Variants in EIF3K observed in about 807,000 individuals in gnomAD.
EIF3K encodes eukaryotic translation initiation factor 3 subunit K, also known as eIF-3 p28.
A neutral mutation model predicts 34.2 loss-of-function variants in EIF3K; 27 were observed. The observed-to-expected ratio is 0.79, with a 90% CI of 0.58 to 1.09. The LOEUF (loss-of-function observed/expected upper bound fraction) is 1.09. EIF3K is among the 50% of genes least tolerant of loss of function. EIF3K has a pLI of 0.00. For synonymous variants in EIF3K, 105 were observed against 105.7 expected (o/e 0.99, Z 0.04); for missense variants, 232 against 275.4 (o/e 0.84, Z 1.11).
chr19:38,635,272 C>T, intron 7 of EIF3K, 154 bp downstream of exon 7: 1 of 1,117,720 alleles, frequency 8.9e-7, no homozygotes, highest in Non-Finnish European at 1.3e-6. Flanking sequence ...TGTCTTGGGG[C>T]TCCCGCCCAG....
chr19:38,624,728 ACT>A (rs1159292306), intron 3 of EIF3K, among the ~76,000 whole-genome samples: 3 of 151,342 alleles, frequency 2.0e-5, no homozygotes, highest in Admixed American at 2.0e-4. Context: ...ACACAGTGAG[ACT>A]CTGTCTCAAA....
intron 2 of EIF3K, 110 bp downstream of exon 2, chr19:38,620,545 T>G: frequency 5.1e-5 from 47 of 922,194 alleles, no homozygotes; most frequent in Middle Eastern, 2.8e-4. Context: ...GCAGCATCTC[T>G]TGGTGTGCAA....
chr19:38,636,102 C>T (rs1422087370), intron 7 of EIF3K, among the ~76,000 whole-genome samples: 2 of 152,208 alleles, frequency 1.3e-5, no homozygotes, highest in African/African-American at 4.8e-5. Flanking sequence ...TCGGGGTTCT[C>T]AGTGAGAACT....
In EIF3K at chr19:38,634,979, C is replaced by T; in HGVS notation, c.500-14C>T. The T allele has an allele frequency of 6.2e-7, 1 of 1,613,984 alleles. No individual in the cohort carries two copies. The highest frequency in any genetic ancestry group is 2.2e-5 in the East Asian group (1 of 44,890). ...AGGCTGACTGAAGCCCCTTGCTGCCCCTGTCACCTGCAGACAGCCAGCTAA... is the reference window on the plus strand; with the variant it reads ...AGGCTGACTGAAGCCCCTTGCTGCCTCTGTCACCTGCAGACAGCCAGCTAA... On this transcript the variant is annotated splice_polypyrimidine_tract_variant and intron_variant, in intron 6 of 7. Coordinates refer to ENST00000248342, the MANE Select transcript of EIF3K (RefSeq NM_013234.4).
intron 4 of EIF3K, among the ~76,000 whole-genome samples, chr19:38,630,059 G>C (rs1004204625): frequency 6.6e-6 from 1 of 152,040 alleles, no homozygotes; most frequent in Non-Finnish European, 1.5e-5. Flanking sequence ...TAGCTGCCCT[G>C]GTCTCCTCAT....
intron 4 of EIF3K, among the ~76,000 whole-genome samples, chr19:38,630,350 T>TA (rs201689288): frequency 0.013 from 1,849 of 142,864 alleles, 23 homozygotes; most frequent in African/African-American, 0.038. Flanking sequence ...TTTATTTATT[T>TA]TTTTTTTTTT....
intron 3 of EIF3K, among the ~76,000 whole-genome samples, chr19:38,625,274 G>A (rs949634768): frequency 6.6e-6 from 1 of 151,366 alleles, no homozygotes; most frequent in Admixed American, 6.6e-5. Context: ...AAGCTATTCT[G>A]TCTCAGCCTC....
intron 3 of EIF3K, 72 bp from the exon 4 acceptor site, chr19:38,625,956 G>T: frequency 7.3e-7 from 1 of 1,379,088 alleles, no homozygotes; most frequent in Non-Finnish European, 1.0e-6. Flanking sequence ...GAAGAAGGTA[G>T]GTGGGGAGGG....
intron 3 of EIF3K, among the ~76,000 whole-genome samples, chr19:38,624,872 A>C (rs1975916037): frequency 6.6e-6 from 1 of 152,236 alleles, no homozygotes; most frequent in Non-Finnish European, 1.5e-5. Context: ...AGAATTGGAA[A>C]TGACTGTTAC....
Position 38,632,653 on chromosome 19 carries a change from G to T in EIF3K, c.474G>T (p.Leu158=). 1 of 1,613,698 alleles carries T rather than the reference G, an allele frequency of 6.2e-7. No homozygotes were observed. The highest frequency in any genetic ancestry group is 8.5e-7 in the Non-Finnish European group (1 of 1,179,824). ...ITYQHIDRWL[L]AEMLGDLSDS... ...ACCAGCACATTGACCGCTGGCTGCTGGCCGAGATGCTCGGGGATCTGTCGG... is the reference window on the plus strand; with the variant it reads ...ACCAGCACATTGACCGCTGGCTGCTTGCCGAGATGCTCGGGGATCTGTCGG... The change falls in exon 6 of 8, where the codon CTG becomes CTT. Residue 158 remains leucine (L), a synonymous_variant. Coordinates refer to ENST00000248342, the MANE Select transcript of EIF3K (RefSeq NM_013234.4).
chr19:38,625,226 G>A (rs1454766493), intron 3 of EIF3K, among the ~76,000 whole-genome samples: 6 of 151,750 alleles, frequency 4.0e-5, no homozygotes, highest in South Asian at 4.2e-4. Context: ...GTGCAGTGGC[G>A]TGATCTCGGC....
intron 2 of EIF3K, among the ~76,000 whole-genome samples, chr19:38,623,170 T>C (rs986868197): frequency 6.6e-6 from 1 of 152,230 alleles, no homozygotes; most frequent in African/African-American, 2.4e-5. Flanking sequence ...TGTTTAGAGA[T>C]TGCAGTAAAG....
chr19:38,625,967 G>C lies in EIF3K; in HGVS notation c.280-61G>C, dbSNP rs1975940589. ...GCCAGAAGAAGGTAGGTGGGGAGGG[G>C]TGATCTGGGGTCCAACCTTACGCTC... is the stretch of plus-strand genomic sequence containing the variant. On this transcript the variant is annotated intron_variant, in intron 3 of 7. Transcript: ENST00000248342. 5 of 1,492,460 alleles carry C rather than the reference G, an allele frequency of 3.4e-6. 1 individual carries two copies. The South Asian group carries it at 5.6e-5, about 17-fold the overall frequency. The allele number at this position is 1,492,460 out of a possible 1,614,324, so 92.5% of individuals were successfully genotyped here.
intron 6 of EIF3K, among the ~76,000 whole-genome samples, chr19:38,634,090 C>CTTTTTT (rs757394196): frequency 2.3e-5 from 2 of 86,036 alleles, no homozygotes; most frequent in Non-Finnish European, 4.4e-5. Flanking sequence ...TAAAAGCTAA[C>CTTTTTT]TTTTTTTTTT....
chr19:38,627,048 G>A (rs772501767), intron 4 of EIF3K, among the ~76,000 whole-genome samples: 12 of 151,920 alleles, frequency 7.9e-5, no homozygotes, highest in South Asian at 6.2e-4. Context: ...GTGCAGTGGC[G>A]CGATCTTGGC....
rs58008087 is a variant in EIF3K at position 38,625,518 on chromosome 19, C to CTTTTTTTTT, written c.280-509_280-501dup. On this transcript the variant is annotated intron_variant, in intron 3 of 7. Coordinates refer to ENST00000248342, the MANE Select transcript of EIF3K (RefSeq NM_013234.4). ...AGTAGGGTTTTTTTGTTAATATTTT[C>CTTTTTTTTT]TTTTTTTTTGAGATGGAGTCTTGCT... Among the ~76,000 whole-genome samples, 200 of 145,826 alleles carry CTTTTTTTTT rather than the reference C, an allele frequency of 1.4e-3. 3 individuals are homozygous for CTTTTTTTTT. The highest frequency in any genetic ancestry group is 3.5e-3 in the Middle Eastern group (1 of 286).
In EIF3K at chr19:38,620,423, C is replaced by T; in HGVS notation, c.146C>T (p.Ala49Val). The T allele has an allele frequency of 6.2e-7, 1 of 1,613,790 alleles. No individual in the cohort carries two copies. The highest frequency in any genetic ancestry group is 8.5e-7 in the Non-Finnish European group (1 of 1,179,882). ...GCCTATGATCTGGAAGCCAACCTGG[C>T]TGTCCTGAAGCTGTAAGTGTCTAGC... The part of the protein sequence containing the change: ...ENAYDLEANL[A>V]VLKLYQFNPA... Residue 49 changes from alanine (A) to valine (V), a missense_variant, in exon 2 of 8, where the codon GCT (alanine) becomes GTT (valine). Coordinates refer to ENST00000248342, the MANE Select transcript of EIF3K (RefSeq NM_013234.4).
At chr19:38,622,698 A>C (rs1314720481) in intron 2 of EIF3K, among the ~76,000 whole-genome samples, 1 of 152,220 alleles carries the variant, frequency 6.6e-6, no homozygotes, top group Non-Finnish European at 1.5e-5. Flanking sequence ...TGGGAACGCT[A>C]TGGGAGACGA....
chr19:38,633,098 G>A (rs891491362), intron 6 of EIF3K, among the ~76,000 whole-genome samples: 1 of 152,202 alleles, frequency 6.6e-6, no homozygotes, highest in African/African-American at 2.4e-5. Flanking sequence ...CTGAGGTAGT[G>A]CAGAGGAGGA....
Sources: gnomAD v4.1 joint callset for allele counts (sites outside exome capture counted in the v4.1 genomes callset) on GRCh38, gnomAD v4.1.1 for gene constraint, MANE v1.5 for transcripts, NCBI Gene and HGNC (gene_info 2026-07-23, HGNC 2026-07-21) for gene names.